TFDP2: variants seen among roughly 807,000 people sequenced by gnomAD.
TFDP2 encodes transcription factor Dp-2 (E2F dimerization partner 2).
TFDP2 carries 17 observed loss-of-function variants against 59.3 expected under a neutral mutation model. That is an observed-to-expected ratio of 0.29 (90% confidence interval 0.20 to 0.43). The LOEUF (loss-of-function observed/expected upper bound fraction) is 0.43, where lower values mean the gene tolerates loss of function less well. Ranked by LOEUF, TFDP2 falls within the 20% of genes least tolerant of loss-of-function variation. The pLI, the probability that TFDP2 is intolerant of heterozygous loss-of-function variation, is 1.00. For missense variants in TFDP2, 391 were observed against 528.8 expected, an observed-to-expected ratio of 0.74 and a Z score of 2.56; for synonymous variants, 180 against 194.7, an observed-to-expected ratio of 0.92 and a Z score of 0.63.
rs1181506773 is a variant in TFDP2 at position 142,005,655 on chromosome 3, C to G, written c.83-111G>C. 5.3e-5 allele frequency: 35 copies of G among 666,534 alleles called. No individual in the cohort carries two copies. The South Asian group carries it at 7.8e-4, about 15-fold the overall frequency. The allele number at this position is 666,534 out of a possible 1,614,324, so 41.3% of individuals were successfully genotyped here. A position where few individuals can be genotyped will look rare whatever the true frequency, so the allele number is the denominator to read the frequency against. On this transcript the variant is annotated intron_variant, in intron 3 of 12. Transcript: ENST00000489671. ...TTATGTTGAGGTAATTTATAATTAT[C>G]TTAGGAAGCATATTATGAACAAAAT...
At chr3:142,136,274 T>C (rs1262709555) in intron 1 of TFDP2, among the ~76,000 whole-genome samples, 4 of 152,090 alleles carry the variant, frequency 2.6e-5, no homozygotes, top group African/African-American at 9.7e-5. Flanking sequence ...TAAATTTGTT[T>C]GAGCTCTTTT....
At chr3:141,957,460 G>C (rs751183616) in intron 11 of TFDP2, among the ~76,000 whole-genome samples, 1 of 152,096 alleles carries the variant, frequency 6.6e-6, no homozygotes, top group South Asian at 2.1e-4. Flanking sequence ...AATTTCACTC[G>C]TAGGTATATG....
intron 3 of TFDP2, among the ~76,000 whole-genome samples, chr3:142,031,571 C>T (rs1315058901): frequency 6.6e-6 from 1 of 152,158 alleles, no homozygotes; most frequent in African/African-American, 2.4e-5. Context: ...AGACTTCCCA[C>T]TCAGATGATA....
chr3:141,952,744 GT>G (rs1559906986), intron 12 of TFDP2, 48 bp from the exon 13 acceptor site: 10 of 1,600,768 alleles, frequency 6.2e-6, no homozygotes, highest in Non-Finnish European at 8.5e-6. Context: ...GGTATAAACA[GT>G]TTTGTAAAAC....
intron 2 of TFDP2, among the ~76,000 whole-genome samples, chr3:142,094,733 T>C (rs1423058177): frequency 6.6e-6 from 1 of 152,214 alleles, no homozygotes; most frequent in Non-Finnish European, 1.5e-5. Flanking sequence ...TATGTATACA[T>C]TGTAAAATGA....
At chr3:142,075,070 T>C (rs1039203049) in intron 3 of TFDP2, among the ~76,000 whole-genome samples, 1 of 152,100 alleles carries the variant, frequency 6.6e-6, no homozygotes, top group Non-Finnish European at 1.5e-5. Flanking sequence ...CAACTCATAA[T>C]GGACCAAAGG....
chr3:142,070,842 C>A (rs1169774386), intron 3 of TFDP2, among the ~76,000 whole-genome samples: 2 of 152,066 alleles, frequency 1.3e-5, no homozygotes, highest in African/African-American at 4.8e-5. Flanking sequence ...TTGGCCATTT[C>A]CATTATTTTT....
intron 1 of TFDP2, among the ~76,000 whole-genome samples, chr3:142,134,836 C>T (rs951981425): frequency 6.6e-6 from 1 of 151,974 alleles, no homozygotes; most frequent in Non-Finnish European, 1.5e-5. Flanking sequence ...TTATTATATA[C>T]CTACAGTTAA....
Position 141,962,678 on chromosome 3 carries a change from G to A in TFDP2, c.884+1134C>T, listed in dbSNP as rs188991087. 4.7e-4 allele frequency among the ~76,000 whole-genome samples: 71 copies of A among 152,284 alleles called. 1 individual carries two copies. Among genetic ancestry groups the A allele is most frequent in the Admixed American group, 4.1e-3 (63 of 15,284 alleles). The stretch of plus-strand genomic sequence containing the variant: ...CCTGGCTAACTCTTCTTTTGTGTGT[G>A]TGCCTTCTTAGTGGAGTGGCCCGGA... On this transcript the variant is annotated intron_variant, in intron 10 of 12. Transcript: ENST00000489671.
At chr3:142,056,171 C>T (rs187843119) in intron 3 of TFDP2, among the ~76,000 whole-genome samples, 1 of 151,604 alleles carries the variant, frequency 6.6e-6, no homozygotes, top group African/African-American at 2.4e-5. Flanking sequence ...TCAGGCTGGT[C>T]TCGAACTCCT....
At chr3:141,980,953 GA>G (rs562136460) in intron 6 of TFDP2, among the ~76,000 whole-genome samples, 107 of 152,036 alleles carry the variant, frequency 7.0e-4, no homozygotes, top group African/African-American at 2.4e-3. Flanking sequence ...TATTGAAGAA[GA>G]AAAAAATCTT....
intron 5 of TFDP2, among the ~76,000 whole-genome samples, chr3:141,993,855 C>A (rs984872385): frequency 2.0e-5 from 3 of 152,220 alleles, no homozygotes; most frequent in African/African-American, 7.2e-5. Flanking sequence ...GAAAAATTTT[C>A]TTCACTCTGC....
chr3:142,040,120 C>G lies in TFDP2; in HGVS notation c.83-34576G>C, dbSNP rs1205091780. Among the ~76,000 whole-genome samples, 7 of 146,020 alleles carry G rather than the reference C, an allele frequency of 4.8e-5. No homozygotes were observed. In the East Asian group the frequency reaches 7.7e-4, roughly 16 times the overall value. On this transcript the variant is annotated intron_variant, in intron 3 of 12. Transcript: ENST00000489671. Reference sequence around the variant, plus strand: ...TAAGACATACACAAAATAAAACACACACACACACACACACACACAGGCATG... The same window carrying G: ...TAAGACATACACAAAATAAAACACAGACACACACACACACACACAGGCATG...
chr3:141,959,970 GA>G, intron 10 of TFDP2, 130 bp from the exon 11 acceptor site: 3 of 771,984 alleles, frequency 3.9e-6, no homozygotes, highest in Non-Finnish European at 6.1e-6. Context: ...CTACCATTTA[GA>G]GAGCCATGAG....
At position 142,121,114 on chromosome 3, in the gene TFDP2, C is replaced by T. The variant is rs1361436013; in HGVS notation, c.-92-19273G>A. 6.6e-6 allele frequency among the ~76,000 whole-genome samples: 1 copy of T among 151,924 alleles called. No individual in the cohort carries two copies. The highest frequency in any genetic ancestry group is 2.4e-5 in the African/African-American group (1 of 41,360). The stretch of plus-strand genomic sequence containing the variant: ...CCAGCTTTAAGGTATGGATATTCAC[C>T]AGGGAGATTTGTGAAAGACTCACAT... On this transcript the variant is annotated intron_variant, in intron 1 of 12. Coordinates refer to ENST00000489671, the MANE Select transcript of TFDP2 (RefSeq NM_001178139.2). The surrounding 1 kb of genome is among the most constrained non-coding windows in gnomAD (Gnocchi z 4.3).
At chr3:142,062,184 T>C (rs1489099592) in intron 3 of TFDP2, among the ~76,000 whole-genome samples, 1 of 152,066 alleles carries the variant, frequency 6.6e-6, no homozygotes, top group Non-Finnish European at 1.5e-5. Flanking sequence ...TTCTCTGGCT[T>C]ACTTTATTGT....
chr3:142,118,270 T>C (rs1436920703), intron 1 of TFDP2, among the ~76,000 whole-genome samples: 1 of 152,114 alleles, frequency 6.6e-6, no homozygotes, highest in Non-Finnish European at 1.5e-5. Context: ...CACTCTCAAA[T>C]TAGGAACTCT....
intron 6 of TFDP2, among the ~76,000 whole-genome samples, chr3:141,980,239 A>T (rs1211846855): frequency 8.2e-6 from 1 of 121,462 alleles, no homozygotes; most frequent in Admixed American, 9.2e-5. Context: ...TTTCAAAAGT[A>T]AAAAAAAAAA....
chr3:142,049,940 G>A (rs1947526280), intron 3 of TFDP2, among the ~76,000 whole-genome samples: 1 of 152,126 alleles, frequency 6.6e-6, no homozygotes, highest in Non-Finnish European at 1.5e-5. Context: ...AACTATAGAA[G>A]ACAAATTAAT....
Sources: allele counts gnomAD v4.1 joint callset (sites outside exome capture counted in the v4.1 genomes callset), GRCh38; gene constraint gnomAD v4.1.1; non-coding constraint Gnocchi (gnomAD v3.1); transcripts MANE v1.5; gene names NCBI Gene and HGNC (gene_info 2026-07-23, HGNC 2026-07-21).